The following DYNC2H1 variants were observed in gnomAD, a reference collection of about 807,000 sequenced individuals.
DYNC2H1 encodes the protein dynein cytoplasmic 2 heavy chain 1.
In DYNC2H1, 410 loss-of-function variants were observed where a neutral mutation model predicts 570.0. The ratio of observed to expected loss-of-function variants is 0.72; its 90% CI spans 0.66 to 0.78. DYNC2H1 has a LOEUF of 0.78. Among genes scored for constraint, DYNC2H1 ranks in the 30% least tolerant of loss-of-function variants. DYNC2H1 has a pLI of 0.00. For missense variants in DYNC2H1, 4,865 were observed against 5,046.4 expected (o/e 0.96, Z 1.09); for synonymous variants, 1,688 against 1,677.6 (o/e 1.01, Z -0.15).
rs527753840 is a variant in DYNC2H1, at chr11:103,425,376, G to A, written c.12367-10567G>A. 5.3e-5 allele frequency among the ~76,000 whole-genome samples: 8 copies of A among 152,206 alleles called. No homozygotes were observed. In the South Asian group the frequency reaches 1.2e-3, roughly 24 times the overall value. On this transcript the variant is annotated intron_variant, in intron 84 of 88. Transcript: ENST00000375735. ...GCATGGTTGGGTTCTGATGACGGCC[G>A]CCTTCCACATTGCAGGCAGCCAACT...
At chr11:103,266,908 A>C (rs1865529810) in intron 70 of DYNC2H1, among the ~76,000 whole-genome samples, 1 of 152,182 alleles carries the variant, frequency 6.6e-6, no homozygotes, top group African/African-American at 2.4e-5. Context: ...AGTTCAGGAC[A>C]AACAGTTCCC....
intron 54 of DYNC2H1, 144 bp downstream of exon 54, chr11:103,212,087 C>T (rs1863179046): frequency 3.8e-6 from 4 of 1,054,618 alleles, no homozygotes; most frequent in Non-Finnish European, 4.9e-6. Context: ...TCTCACTTTC[C>T]TACCTATATT....
rs1860212799 is a variant in DYNC2H1, at chr11:103,145,767, T to C, written c.2703-2005T>C. Reference sequence around the variant, plus strand: ...TATTTTAGATAGTATCATAAGAAAATCATTTTTGAATATGCATCTTTGATA... The same window carrying C: ...TATTTTAGATAGTATCATAAGAAAACCATTTTTGAATATGCATCTTTGATA... On this transcript the variant is annotated intron_variant, in intron 18 of 88. Coordinates refer to ENST00000375735, the MANE Select transcript of DYNC2H1 (RefSeq NM_001377.3). This position sits in a 1 kb window ranked among gnomAD's most constrained non-coding sequence, Gnocchi z 4.2. 6.6e-6 allele frequency among the ~76,000 whole-genome samples: 1 copy of C among 152,174 alleles called. No individual in the cohort carries two copies. The highest frequency in any genetic ancestry group is 2.1e-4 in the South Asian group (1 of 4,834).
At chr11:103,147,462 A>G (rs1425422079) in intron 18 of DYNC2H1, among the ~76,000 whole-genome samples, 1 of 152,170 alleles carries the variant, frequency 6.6e-6, no homozygotes, top group Non-Finnish European at 1.5e-5. Context: ...TGACAAGAGA[A>G]GCTCATTAAT....
rs765515764 is a variant in DYNC2H1, at chr11:103,304,593, A to G, written c.11257-2A>G. Reference sequence around the variant, plus strand: ...ATTTTGTTTGTTTTTTTGCTTTTGTAGGTTGCCATGGGTCAAGGTCAAGCT... The same window carrying G: ...ATTTTGTTTGTTTTTTTGCTTTTGTGGGTTGCCATGGGTCAAGGTCAAGCT... On this transcript the variant is annotated splice_acceptor_variant, in intron 76 of 88. Coordinates refer to ENST00000375735, the MANE Select transcript of DYNC2H1 (RefSeq NM_001377.3). LOFTEE classifies it high-confidence loss of function. 6.2e-7 allele frequency: 1 copy of G among 1,607,494 alleles called. No homozygotes were observed. Among genetic ancestry groups the G allele is most frequent in the Admixed American group, 1.7e-5 (1 of 59,394 alleles).
chr11:103,242,039 A>G (rs1305059247), intron 63 of DYNC2H1, among the ~76,000 whole-genome samples: 2 of 151,994 alleles, frequency 1.3e-5, no homozygotes, highest in African/African-American at 4.8e-5. Context: ...CTTATTAGAT[A>G]TACAGTGTTC....
intron 75 of DYNC2H1, among the ~76,000 whole-genome samples, chr11:103,298,203 G>A (rs1436883182): frequency 6.6e-6 from 1 of 151,382 alleles, no homozygotes; most frequent in Non-Finnish European, 1.5e-5. Context: ...CAACGTAATA[G>A]TCTTTTTCTT....
chr11:103,424,970 C>A (rs568502833), intron 84 of DYNC2H1, among the ~76,000 whole-genome samples: 32 of 152,318 alleles, frequency 2.1e-4, no homozygotes, highest in Non-Finnish European at 4.4e-4. Context: ...GGGTCTCACT[C>A]TGTCACCTAG....
intron 87 of DYNC2H1, among the ~76,000 whole-genome samples, chr11:103,457,242 T>C (rs975253159): frequency 6.6e-6 from 1 of 152,228 alleles, no homozygotes; most frequent in African/African-American, 2.4e-5. Context: ...ATGCTTTATG[T>C]ATTTACTATA....
chr11:103,261,319 G>A lies in DYNC2H1; in HGVS notation c.10695+1342G>A, dbSNP rs565808795. ...CCTGCTGGCTCTGAAGAGAGCATCG[G>A]ATCTCCAACACAGAGCTTGAGCTCT... is the stretch of plus-strand genomic sequence containing the variant. On this transcript the variant is annotated intron_variant, in intron 70 of 88. Coordinates refer to ENST00000375735, the MANE Select transcript of DYNC2H1 (RefSeq NM_001377.3). This position sits in a 1 kb window ranked among gnomAD's most constrained non-coding sequence, Gnocchi z 4.8. Among the ~76,000 whole-genome samples the A allele has an allele frequency of 6.6e-6, 1 of 152,310 alleles. No individual in the cohort carries two copies. Among genetic ancestry groups the A allele is most frequent in the South Asian group, 2.1e-4 (1 of 4,826 alleles).
intron 83 of DYNC2H1, among the ~76,000 whole-genome samples, chr11:103,361,739 A>C (rs1430856323): frequency 6.6e-6 from 1 of 152,164 alleles, no homozygotes; most frequent in Non-Finnish European, 1.5e-5. Context: ...ATGTAGAGTT[A>C]TTATGAGAAA....
At position 103,319,033 on chromosome 11, in the gene DYNC2H1, C is replaced by T. The variant is rs919764933; in HGVS notation, c.11726-1996C>T. Among the ~76,000 whole-genome samples the T allele has an allele frequency of 6.6e-6, 1 of 151,954 alleles. No homozygotes were observed. The highest frequency in any genetic ancestry group is 2.4e-5 in the African/African-American group (1 of 41,372). On this transcript the variant is annotated intron_variant, in intron 80 of 88. Transcript: ENST00000375735. This position sits in a 1 kb window ranked among gnomAD's most constrained non-coding sequence, Gnocchi z 4.3. ...CTTGCCTAAAAACTTGGTAATTTTC[C>T]AAAATGCTTTTGAATATTTATTTGA...
chr11:103,420,083 G>C (rs1943428084), intron 84 of DYNC2H1, among the ~76,000 whole-genome samples: 1 of 151,928 alleles, frequency 6.6e-6, no homozygotes, highest in South Asian at 2.1e-4. Context: ...GACAAGAATA[G>C]AGAAAAAAGA....
chr11:103,406,488 A>G (rs1213284999), intron 84 of DYNC2H1: 1 of 151,860 alleles, frequency 6.6e-6, no homozygotes, highest in Non-Finnish European at 1.5e-5. Flanking sequence ...CTGTTAGTGG[A>G]GGTAAATCTC....
Position 103,472,385 on chromosome 11 carries a change from A to AT in DYNC2H1, c.12765+3688dup, listed in dbSNP as rs397703562. Among the ~76,000 whole-genome samples the AT allele has an allele frequency of 7.5e-4, 114 of 151,500 alleles. 1 individual carries two copies. Among genetic ancestry groups the AT allele is most frequent in the African/African-American group, 1.9e-3 (79 of 41,264 alleles). ...ATTAAATAAAAAAAGAATTAAAAAA[A>AT]TTTTTTTTAAAGAATTGAGAACAGG... On this transcript the variant is annotated intron_variant, in intron 88 of 88. Coordinates refer to ENST00000375735, the MANE Select transcript of DYNC2H1 (RefSeq NM_001377.3). The surrounding 1 kb of genome is among the most constrained non-coding windows in gnomAD (Gnocchi z 4.1).
rs754963611 is a variant in DYNC2H1, at chr11:103,186,348, A to G, written c.6740A>G (p.Glu2247Gly). The change falls in exon 42 of 89, where the codon GAA becomes GGA. Residue 2247 changes from glutamate (E) to glycine (G), a missense_variant. Around this residue, in one of 5 missense-constraint regions of DYNC2H1, gnomAD observed 2,401 missense variants for 2,454.6 expected, o/e 0.98. Coordinates refer to ENST00000375735, the MANE Select transcript of DYNC2H1 (RefSeq NM_001377.3). The surrounding 1 kb of genome is among the most constrained non-coding windows in gnomAD (Gnocchi z 4.5). ...GCAACATATGTGCTTAAGAAGCCAG[A>G]AGACTTGACTGCTGATGATTTCAGT... ...RLATYVLKKP[E>G]DLTADDFSNG... is the part of the protein sequence containing the mutation. 5.0e-6 allele frequency: 8 copies of G among 1,612,898 alleles called. No individual in the cohort carries two copies. In the Admixed American group the frequency reaches 1.3e-4, roughly 27 times the overall value.
At chr11:103,202,654 A>T (rs906673885) in intron 50 of DYNC2H1, among the ~76,000 whole-genome samples, 9 of 152,042 alleles carry the variant, frequency 5.9e-5, no homozygotes, top group Admixed American at 3.3e-4. Flanking sequence ...TCTTAGTTGA[A>T]CCTAAAGAAA....
intron 70 of DYNC2H1, among the ~76,000 whole-genome samples, chr11:103,276,291 G>C (rs558085828): frequency 6.6e-6 from 1 of 152,140 alleles, no homozygotes; most frequent in Non-Finnish European, 1.5e-5. Context: ...CTTGCTTGTA[G>C]TACTTACAGG....
rs1395855513 is a variant in DYNC2H1 at position 103,307,762 on chromosome 11, G to A, written c.11424G>A (p.Trp3808Ter). ...TLQPKDTFRLWLTAEVHPNFT... is the reference protein window; with the variant it reads ...TLQPKDTFRL ...AACCTAAAGATACCTTTCGTCTTTG[G>A]CTCACTGCAGAAGTTCATCCCAACT... The change falls in exon 78 of 89, where the codon TGG becomes TGA. Residue 3808 changes from tryptophan (W) to a stop codon, truncating the protein, a stop_gained. Coordinates refer to ENST00000375735, the MANE Select transcript of DYNC2H1 (RefSeq NM_001377.3). LOFTEE classifies it high-confidence loss of function. The A allele has an allele frequency of 5.6e-6, 9 of 1,605,178 alleles. No individual in the cohort carries two copies. Among genetic ancestry groups the A allele is most frequent in the Non-Finnish European group, 7.7e-6 (9 of 1,175,360 alleles).
Sources: gnomAD v4.1 joint callset for allele counts (sites outside exome capture counted in the v4.1 genomes callset) on GRCh38, gnomAD v4.1.1 for gene constraint, gnomAD v4.1.1 regional missense constraint, Gnocchi (gnomAD v3.1) non-coding constraint, MANE v1.5 for transcripts, NCBI Gene and HGNC (gene_info 2026-07-23, HGNC 2026-07-21) for gene names.